PRR27: variants seen among roughly 807,000 people sequenced by gnomAD.
The protein encoded by PRR27 is proline rich 27.
Under a neutral mutation model 16.8 loss-of-function variants are expected in PRR27, and 12 were observed. The observed-to-expected ratio is 0.71, with a 90% CI of 0.46 to 1.16. PRR27 has a LOEUF of 1.16. Ranked by LOEUF, PRR27 falls within the 50% of genes most tolerant of loss-of-function variation. The pLI, the probability that PRR27 is intolerant of heterozygous loss-of-function variation, is 0.00. For synonymous variants in PRR27, 100 were observed against 98.4 expected (o/e 1.02, Z -0.10); for missense variants, 277 against 273.3 (o/e 1.01, Z -0.10).
At position 70,164,773 on chromosome 4, in the gene PRR27, G is replaced by A. The variant is rs1728729610; in HGVS notation, c.*2112G>A. On this transcript the variant is annotated 3_prime_UTR_variant, in exon 5 of 5. Coordinates refer to ENST00000344526, the MANE Select transcript of PRR27 (RefSeq NM_214711.4). ...TGAACCGAAATAGAAATATCAAGAG[G>A]CTACAAAGTCTTAGCAAATTATAAT... The A allele has an allele frequency of 6.6e-6, 1 of 151,978 alleles. No homozygotes were observed. Among genetic ancestry groups the A allele is most frequent in the Admixed American group, 6.6e-5 (1 of 15,260 alleles). The allele number at this position is 151,978 out of a possible 1,614,324, so 9.4% of individuals were successfully genotyped here. A position where few individuals can be genotyped will look rare whatever the true frequency, so the allele number is the denominator to read the frequency against.
At chr4:70,160,745 C>CA (rs58460614) in intron 3 of PRR27, among the ~76,000 whole-genome samples, 41 of 149,554 alleles carry the variant, frequency 2.7e-4, no homozygotes, top group African/African-American at 9.8e-4. Context: ...TGTTTTCAGA[C>CA]AAAAAAAAAA....
chr4:70,165,449 A>G lies in PRR27; in HGVS notation c.*2788A>G, dbSNP rs1406213816. ...TGCATGTATTGTTTAATGTCGCTTT[A>G]TGAATCCACCTTCTTCCTTATCTGT... is the stretch of plus-strand genomic sequence containing the variant. On this transcript the variant is annotated 3_prime_UTR_variant, in exon 5 of 5. Coordinates refer to ENST00000344526, the MANE Select transcript of PRR27 (RefSeq NM_214711.4). 6.6e-6 allele frequency: 1 copy of G among 152,070 alleles called. No individual in the cohort carries two copies. The highest frequency in any genetic ancestry group is 1.9e-4 in the East Asian group (1 of 5,190). 9.4% of individuals were successfully genotyped at this position (152,070 alleles called of 1,614,324 possible). A position where few individuals can be genotyped will look rare whatever the true frequency, so the allele number is the denominator to read the frequency against.
In PRR27 at chr4:70,161,573, T is replaced by A. The variant is rs200454762; in HGVS notation, c.649-13T>A. On this transcript the variant is annotated splice_polypyrimidine_tract_variant and intron_variant, in intron 3 of 4. Coordinates refer to ENST00000344526, the MANE Select transcript of PRR27 (RefSeq NM_214711.4). ...ATTGTTTATGAAAAGATCTTTTTTT[T>A]AATGTTTTCTAGGCAAATCAGTGAA... 1.9e-4 allele frequency: 292 copies of A among 1,501,510 alleles called. 1 individual carries two copies. In the East Asian group the frequency reaches 4.7e-3, roughly 24 times the overall value. The allele number at this position is 1,501,510 out of a possible 1,614,324, so 93.0% of individuals were successfully genotyped here.
chr4:70,158,921 C>T lies in PRR27; in HGVS notation c.648+21C>T, dbSNP rs755605851. 2.0e-6 allele frequency: 3 copies of T among 1,501,084 alleles called. No individual in the cohort carries two copies. In the South Asian group the frequency reaches 3.4e-5, roughly 17 times the overall value. The allele number at this position is 1,501,084 out of a possible 1,614,324, so 93.0% of individuals were successfully genotyped here. A position where few individuals can be genotyped will look rare whatever the true frequency, so the allele number is the denominator to read the frequency against. On this transcript the variant is annotated intron_variant, in intron 3 of 4. Coordinates refer to ENST00000344526, the MANE Select transcript of PRR27 (RefSeq NM_214711.4). Reference sequence around the variant, plus strand: ...AACAGGTAGGTTGTTTATATCTTACCACTATAATGTATGAGAAATGAGATT... The same window carrying T: ...AACAGGTAGGTTGTTTATATCTTACTACTATAATGTATGAGAAATGAGATT...
chr4:70,161,156 G>GTATATATATACATATA (rs1728637717), intron 3 of PRR27, among the ~76,000 whole-genome samples: 5 of 93,922 alleles, frequency 5.3e-5, no homozygotes. Context: ...TATGAACACT[G>GTATATATATACATATA]TATATATATA....
Position 70,165,855 on chromosome 4 carries a change from GCAA to G in PRR27, c.*3199_*3201del, listed in dbSNP as rs1178314932. The G allele has an allele frequency of 6.6e-6, 1 of 152,040 alleles. No individual in the cohort carries two copies. The highest frequency in any genetic ancestry group is 1.5e-5 in the Non-Finnish European group (1 of 67,964). The allele number at this position is 152,040 out of a possible 1,614,324, so 9.4% of individuals were successfully genotyped here. On this transcript the variant is annotated 3_prime_UTR_variant, in exon 5 of 5. Coordinates refer to ENST00000344526, the MANE Select transcript of PRR27 (RefSeq NM_214711.4). The stretch of plus-strand genomic sequence containing the variant: ...TCACACCTTCACACTGGTATCAACT[GCAA>G]CAACCACTATACTTCTCCAGTGATT...
In PRR27 at chr4:70,158,373, C is replaced by G; in HGVS notation, c.121C>G (p.Pro41Ala). The G allele has an allele frequency of 6.2e-7, 1 of 1,613,102 alleles. No homozygotes were observed. The highest frequency in any genetic ancestry group is 8.5e-7 in the Non-Finnish European group (1 of 1,179,232). ...CCCACTTCATCCATCTCTGAATATTCCTTATGGCATACGGAATTTACCACC... is the reference window on the plus strand; with the variant it reads ...CCCACTTCATCCATCTCTGAATATTGCTTATGGCATACGGAATTTACCACC... ...GHPLHPSLNI[P>A]YGIRNLPPPL... The change falls in exon 3 of 5, where the codon CCT becomes GCT. Residue 41 changes from proline (P) to alanine (A), a missense_variant. Transcript: ENST00000344526.
rs946039947 is a variant in PRR27 at position 70,158,507 on chromosome 4, C to T, written c.255C>T (p.Pro85=). 4 of 1,614,032 alleles carry T rather than the reference C, an allele frequency of 2.5e-6. No homozygotes were observed. The highest frequency in any genetic ancestry group is 3.4e-6 in the Non-Finnish European group (4 of 1,180,024). ...GGATTCTAACTTCTCCTGGATTCCC[C>T]TATGTCTATCACATCCGTGGTTTTC... The part of the protein sequence containing the change: ...YPWILTSPGF[P]YVYHIRGFPL... Residue 85 remains proline, a synonymous_variant, in exon 3 of 5, where the codon CCC becomes CCT. Transcript: ENST00000344526.
chr4:70,166,456 C>A lies in PRR27; in HGVS notation c.*3795C>A, dbSNP rs1477455091. ...AAAATACTATTTTCCACCAATATCACAATGGATAATCTTTTTTAAATGACT... is the reference window on the plus strand; with the variant it reads ...AAAATACTATTTTCCACCAATATCAAAATGGATAATCTTTTTTAAATGACT... On this transcript the variant is annotated 3_prime_UTR_variant, in exon 5 of 5. Coordinates refer to ENST00000344526, the MANE Select transcript of PRR27 (RefSeq NM_214711.4). The A allele has an allele frequency of 6.6e-6, 1 of 152,010 alleles. No individual in the cohort carries two copies. The highest frequency in any genetic ancestry group is 1.5e-5 in the Non-Finnish European group (1 of 67,948). The allele number at this position is 152,010 out of a possible 1,614,324, so 9.4% of individuals were successfully genotyped here.
intron 2 of PRR27, among the ~76,000 whole-genome samples, chr4:70,156,595 C>A (rs955992027): frequency 6.6e-6 from 1 of 152,142 alleles, no homozygotes. Flanking sequence ...CTCTATGAGA[C>A]CAAAGCACAT....
In PRR27 at chr4:70,158,660, T is replaced by G. The variant is rs190837832; in HGVS notation, c.408T>G (p.Ala136=). ...CTATTGCAGCTGAGCCTGCTGCAGC[T>G]GCACCTCTTACAGCCACACCTGTAG... The part of the protein sequence containing the change: ...APPIAAEPAA[A]APLTATPVAA... Residue 136 remains alanine, a synonymous_variant, in exon 3 of 5, where the codon GCT becomes GCG. Coordinates refer to ENST00000344526, the MANE Select transcript of PRR27 (RefSeq NM_214711.4). 593 of 1,613,778 alleles carry G rather than the reference T, an allele frequency of 3.7e-4. 4 individuals are homozygous for G. In the East Asian group the frequency reaches 0.012, roughly 32 times the overall value.
Position 70,165,664 on chromosome 4 carries a change from T to C in PRR27, c.*3003T>C, listed in dbSNP as rs1470436742. ...TCGATATTAAGATACATTTGCAGAG[T>C]TTTGTATGTGTGTTTATATCCATCT... On this transcript the variant is annotated 3_prime_UTR_variant, in exon 5 of 5. Transcript: ENST00000344526. 4.6e-5 allele frequency: 7 copies of C among 152,048 alleles called. No individual in the cohort carries two copies. Among genetic ancestry groups the C allele is most frequent in the Admixed American group, 4.6e-4 (7 of 15,248 alleles). The allele number at this position is 152,048 out of a possible 1,614,324, so 9.4% of individuals were successfully genotyped here. A position where few individuals can be genotyped will look rare whatever the true frequency, so the allele number is the denominator to read the frequency against.
At chr4:70,157,574 A>G (rs961990409) in intron 2 of PRR27, among the ~76,000 whole-genome samples, 44 of 152,052 alleles carry the variant, frequency 2.9e-4, no homozygotes, top group Non-Finnish European at 4.0e-4. Context: ...GCTGGAGTGC[A>G]GTGGCCTGAT....
chr4:70,158,852 A>T lies in PRR27; in HGVS notation c.600A>T (p.Thr200=). The T allele has an allele frequency of 1.2e-6, 2 of 1,614,036 alleles. No homozygotes were observed. Among genetic ancestry groups the T allele is most frequent in the African/African-American group, 1.3e-5 (1 of 74,998 alleles). The change falls in exon 3 of 5, where the codon ACA becomes ACT. Residue 200 remains threonine (T), a synonymous_variant. Coordinates refer to ENST00000344526, the MANE Select transcript of PRR27 (RefSeq NM_214711.4). ...AEEPSPAEPA[T]AKPAAPEPHP... The stretch of plus-strand genomic sequence containing the variant: ...AACCTTCACCAGCTGAGCCTGCTAC[A>T]GCCAAGCCTGCTGCCCCAGAACCTC...
chr4:70,161,568 T>G lies in PRR27; in HGVS notation c.649-18T>G. 1 of 1,490,448 alleles carries G rather than the reference T, an allele frequency of 6.7e-7. No homozygotes were observed. Among genetic ancestry groups the G allele is most frequent in the African/African-American group, 1.4e-5 (1 of 72,044 alleles). The allele number at this position is 1,490,448 out of a possible 1,614,324, so 92.3% of individuals were successfully genotyped here. A position where few individuals can be genotyped will look rare whatever the true frequency, so the allele number is the denominator to read the frequency against. On this transcript the variant is annotated intron_variant, in intron 3 of 4. Coordinates refer to ENST00000344526, the MANE Select transcript of PRR27 (RefSeq NM_214711.4). ...ATTTGATTGTTTATGAAAAGATCTT[T>G]TTTTTAATGTTTTCTAGGCAAATCA... is the stretch of plus-strand genomic sequence containing the variant.
intron 1 of PRR27, among the ~76,000 whole-genome samples, chr4:70,155,023 T>C (rs1312881964): frequency 6.6e-6 from 1 of 152,146 alleles, no homozygotes; most frequent in Non-Finnish European, 1.5e-5. Flanking sequence ...CACCATAACA[T>C]TGTTTTAAAG....
chr4:70,161,564 TC>T (rs771010130), intron 3 of PRR27, 21 bp from the exon 4 acceptor site: 9 of 1,460,366 alleles, frequency 6.2e-6, no homozygotes, highest in East Asian at 4.6e-5. Flanking sequence ...TATGAAAAGA[TC>T]TTTTTTTTAA....
In PRR27 at chr4:70,163,338, G is replaced by C. The variant is rs1288855499; in HGVS notation, c.*677G>C. On this transcript the variant is annotated 3_prime_UTR_variant, in exon 5 of 5. Transcript: ENST00000344526. ...CTTTTTTTTTTTTTTTTTTTGAGAC[G>C]AAGTCTCACACTGTTGCACGGCTGT... 1 of 122,710 alleles carries C rather than the reference G, an allele frequency of 8.1e-6. No homozygotes were observed. The highest frequency in any genetic ancestry group is 1.6e-5 in the Non-Finnish European group (1 of 61,382). The allele number at this position is 122,710 out of a possible 1,614,324, so 7.6% of individuals were successfully genotyped here.
chr4:70,155,427 C>T (rs1728452690), intron 1 of PRR27, among the ~76,000 whole-genome samples: 1 of 151,072 alleles, frequency 6.6e-6, no homozygotes, highest in African/African-American at 2.4e-5. Context: ...TGCAGTGGCG[C>T]GACCTGGGCT....
Sources: allele counts gnomAD v4.1 joint callset (sites outside exome capture counted in the v4.1 genomes callset), GRCh38; gene constraint gnomAD v4.1.1; transcripts MANE v1.5; gene names NCBI Gene and HGNC (gene_info 2026-07-23, HGNC 2026-07-21).